Variants in RIMS2 observed in about 807,000 individuals in gnomAD.
The protein encoded by RIMS2 is regulating synaptic membrane exocytosis protein 2.
Under a neutral mutation model 174.4 loss-of-function variants are expected in RIMS2, and 59 were observed. That is an observed-to-expected ratio of 0.34 (90% CI 0.27 to 0.42). RIMS2 has a LOEUF of 0.42. Among genes scored for constraint, RIMS2 ranks in the 10% least tolerant of loss-of-function variants. RIMS2 has a pLI of 1.00. For synonymous variants in RIMS2, 606 were observed against 572.5 expected (o/e 1.06, Z -0.84); for missense variants, 1,620 against 1,666.3 (o/e 0.97, Z 0.48).
intron 3 of RIMS2, among the ~76,000 whole-genome samples, chr8:103,870,326 T>C (rs2099104522): frequency 6.6e-6 from 1 of 151,918 alleles, no homozygotes; most frequent in Non-Finnish European, 1.5e-5. Flanking sequence ...AACTCAGTGC[T>C]AAGTTTAGCT....
intron 19 of RIMS2, among the ~76,000 whole-genome samples, chr8:104,066,489 A>G (rs773123906): frequency 1.3e-5 from 2 of 152,066 alleles, no homozygotes; most frequent in Non-Finnish European, 2.9e-5. Flanking sequence ...CCTTATAGCT[A>G]ATATTCTTTT....
chr8:103,760,653 T>C (rs1377599410), intron 2 of RIMS2, among the ~76,000 whole-genome samples: 3 of 151,800 alleles, frequency 2.0e-5, no homozygotes, highest in Non-Finnish European at 4.4e-5. Context: ...TTCTTGTTTT[T>C]TTTCCAAACA....
intron 19 of RIMS2, among the ~76,000 whole-genome samples, chr8:104,236,644 T>C (rs1588042296): frequency 1.3e-5 from 2 of 152,114 alleles, no homozygotes; most frequent in African/African-American, 4.8e-5. Flanking sequence ...TAAGTGGTTT[T>C]ATTAATGGAT....
chr8:103,850,613 T>A (rs575579869), intron 3 of RIMS2, among the ~76,000 whole-genome samples: 1 of 152,190 alleles, frequency 6.6e-6, no homozygotes, highest in East Asian at 1.9e-4. Context: ...ATCCTAATTC[T>A]AATCTTTGTA....
intron 1 of RIMS2, among the ~76,000 whole-genome samples, chr8:103,621,542 G>A (rs191993999): frequency 6.6e-6 from 1 of 152,368 alleles, no homozygotes; most frequent in East Asian, 1.9e-4. Context: ...AGGCTAAACT[G>A]TGGGAGCTAA....
intron 19 of RIMS2, among the ~76,000 whole-genome samples, chr8:104,149,529 A>G (rs1441602198): frequency 6.6e-6 from 1 of 151,314 alleles, no homozygotes; most frequent in Non-Finnish European, 1.5e-5. Context: ...GTTAGCAATT[A>G]AGAAATTTGT....
intron 17 of RIMS2, 74 bp downstream of exon 19, chr8:103,989,495 T>C: frequency 1.4e-6 from 1 of 725,154 alleles, no homozygotes; most frequent in Admixed American, 2.5e-5. Context: ...TACCATAAAA[T>C]ATTTTCACAT....
intron 3 of RIMS2, among the ~76,000 whole-genome samples, chr8:103,797,039 T>C (rs145237797): frequency 6.6e-6 from 1 of 152,244 alleles, no homozygotes; most frequent in East Asian, 1.9e-4. Flanking sequence ...AGGCATTGCT[T>C]AAGATTTAGT....
chr8:104,033,766 C>G (rs1397254068), intron 19 of RIMS2, among the ~76,000 whole-genome samples: 1 of 151,602 alleles, frequency 6.6e-6, no homozygotes, highest in Non-Finnish European at 1.5e-5. Context: ...ATATTCTTAT[C>G]TGTTTGTTTC....
chr8:104,017,922 A>G (rs1289946337), intron 19 of RIMS2, among the ~76,000 whole-genome samples: 2 of 151,826 alleles, frequency 1.3e-5, no homozygotes, highest in Non-Finnish European at 2.9e-5. Flanking sequence ...TAAAAAATAT[A>G]AAATTAGCCA....
chr8:103,730,959 T>C (rs2138880783), intron 2 of RIMS2, among the ~76,000 whole-genome samples: 1 of 152,294 alleles, frequency 6.6e-6, no homozygotes, highest in South Asian at 2.1e-4. Context: ...GGCCTCACAG[T>C]CATGGCAGAA....
chr8:103,684,539 T>TTTTTATTTTATTTTATTTTA (rs71297228), intron 1 of RIMS2, among the ~76,000 whole-genome samples: 65 of 134,512 alleles, frequency 4.8e-4, no homozygotes, highest in South Asian at 1.2e-3. Context: ...GTTCATACTT[T>TTTTTATTTTATTTTATTTTA]TTTTATTTTA....
At chr8:103,789,117 G>T (rs932188440) in intron 3 of RIMS2, among the ~76,000 whole-genome samples, 3 of 152,172 alleles carry the variant, frequency 2.0e-5, no homozygotes, top group South Asian at 4.1e-4. Flanking sequence ...GCAATGCCTC[G>T]CCCTGCTTCG....
chr8:104,097,321 T>A (rs1369325105), intron 19 of RIMS2, among the ~76,000 whole-genome samples: 2 of 152,184 alleles, frequency 1.3e-5, no homozygotes, highest in African/African-American at 4.8e-5. Context: ...ATATTTTTAA[T>A]AATTTTGTGA....
intron 1 of RIMS2, among the ~76,000 whole-genome samples, chr8:103,687,803 CCT>C (rs1354260899): frequency 6.6e-6 from 1 of 152,096 alleles, no homozygotes; most frequent in Non-Finnish European, 1.5e-5. Context: ...AACATAATGT[CCT>C]CTGAGTTCAT....
chr8:103,794,839 C>G (rs2098536940), intron 3 of RIMS2, among the ~76,000 whole-genome samples: 2 of 152,232 alleles, frequency 1.3e-5, no homozygotes, highest in Admixed American at 6.5e-5. Context: ...AGAAAATGCT[C>G]ATCATCACTG....
At position 103,703,013 on chromosome 8, in the gene RIMS2, A is replaced by G. The variant is rs1205725458; in HGVS notation, c.387+5717A>G. Among the ~76,000 whole-genome samples the G allele has an allele frequency of 4.8e-5, 7 of 145,390 alleles. No homozygotes were observed. In the East Asian group the frequency reaches 1.2e-3, roughly 25 times the overall value. On this transcript the variant is annotated intron_variant, in intron 2 of 23. Transcript: ENST00000504942. Reference sequence around the variant, plus strand: ...TTTTTTTTTTTTGAGACAAGATCTCAGTTTGTCACCCAGGCTGGAGTGCAT... The same window carrying G: ...TTTTTTTTTTTTGAGACAAGATCTCGGTTTGTCACCCAGGCTGGAGTGCAT...
intron 19 of RIMS2, among the ~76,000 whole-genome samples, chr8:104,135,034 T>C (rs143761839): frequency 4.6e-5 from 7 of 152,138 alleles, no homozygotes; most frequent in Non-Finnish European, 7.4e-5. Context: ...ATTCATGAAG[T>C]TTTTTTCATA....
At chr8:104,217,308 ACC>A (rs2099134892) in intron 19 of RIMS2, among the ~76,000 whole-genome samples, 1 of 151,180 alleles carries the variant, frequency 6.6e-6, no homozygotes, top group Admixed American at 6.6e-5. Context: ...CTGCTTTGTT[ACC>A]CAGGCTGGAG....
Sources: allele counts gnomAD v4.1 joint callset (sites outside exome capture counted in the v4.1 genomes callset), GRCh38; gene constraint gnomAD v4.1.1; transcripts MANE v1.5; gene names NCBI Gene and HGNC (gene_info 2026-07-23, HGNC 2026-07-21).